Variants in RIT2 observed in about 807,000 individuals in gnomAD.
RIT2 encodes Ras like without CAAX 2.
RIT2 carries 24 observed loss-of-function variants against 23.7 expected under a neutral mutation model. The ratio of observed to expected loss-of-function variants is 1.01; its 90% CI spans 0.73 to 1.43. RIT2 has a LOEUF of 1.43. Among genes scored for constraint, RIT2 ranks in the 40% most tolerant of loss-of-function variants. The pLI is 0.00. For synonymous variants in RIT2, 107 were observed against 91.1 expected, an observed-to-expected ratio of 1.17 and a Z score of -0.99; for missense variants, 236 against 266.9, an observed-to-expected ratio of 0.88 and a Z score of 0.81.
chr18:43,108,007 CAAAAA>C (rs5824469), intron 1 of RIT2, among the ~76,000 whole-genome samples: 1 of 136,280 alleles, frequency 7.3e-6, no homozygotes, highest in Non-Finnish European at 1.5e-5. Flanking sequence ...ACTAAAAATA[CAAAAA>C]AAAAAAAAAA....
At chr18:43,114,530 G>A (rs1568086455) in intron 1 of RIT2, among the ~76,000 whole-genome samples, 1 of 151,822 alleles carries the variant, frequency 6.6e-6, no homozygotes, top group African/African-American at 2.4e-5. Flanking sequence ...CTACCTTTTA[G>A]AATTCCCAAA....
At chr18:42,747,218 A>G (rs1378218836) in intron 4 of RIT2, among the ~76,000 whole-genome samples, 1 of 152,046 alleles carries the variant, frequency 6.6e-6, no homozygotes. Context: ...CAAAGTTTAT[A>G]TACACGAATC....
chr18:43,098,480 A>G (rs1598783380), intron 1 of RIT2, among the ~76,000 whole-genome samples: 2 of 152,064 alleles, frequency 1.3e-5, no homozygotes, highest in Non-Finnish European at 2.9e-5. Flanking sequence ...GATGTAAATA[A>G]TAAATGCTTT....
chr18:43,062,312 CA>C (rs1331987136), intron 1 of RIT2, among the ~76,000 whole-genome samples: 2 of 151,932 alleles, frequency 1.3e-5, no homozygotes, highest in Non-Finnish European at 2.9e-5. Context: ...TACTTCAAGA[CA>C]AAAAAGAGGT....
chr18:43,068,312 A>G (rs1361365044), intron 1 of RIT2, among the ~76,000 whole-genome samples: 1 of 152,200 alleles, frequency 6.6e-6, no homozygotes, highest in Non-Finnish European at 1.5e-5. Flanking sequence ...AGTTAGGGTT[A>G]GAGCTCAGAC....
chr18:42,743,858 C>G, intron 4 of RIT2, 138 bp from the exon 5 acceptor site: 1 of 635,040 alleles, frequency 1.6e-6, no homozygotes, highest in Non-Finnish European at 2.7e-6. Context: ...TGCAGGTATA[C>G]GCCCAGATGG....
At chr18:42,751,437 T>C (rs1468087223) in intron 4 of RIT2, among the ~76,000 whole-genome samples, 1 of 151,874 alleles carries the variant, frequency 6.6e-6, no homozygotes, top group Non-Finnish European at 1.5e-5. Flanking sequence ...GCATCACAAA[T>C]CAATCATTAG....
chr18:43,038,013 G>T (rs1045615561), intron 1 of RIT2, among the ~76,000 whole-genome samples: 1 of 151,910 alleles, frequency 6.6e-6, no homozygotes, highest in Non-Finnish European at 1.5e-5. Flanking sequence ...GACCATCCTG[G>T]CTAACATGGT....
chr18:42,878,464 G>A (rs2144074588), intron 4 of RIT2, among the ~76,000 whole-genome samples: 1 of 151,944 alleles, frequency 6.6e-6, no homozygotes, highest in East Asian at 1.9e-4. Flanking sequence ...AGGAGGAAGA[G>A]GAGAGGCTGG....
chr18:43,062,064 C>T (rs1266720843), intron 1 of RIT2, among the ~76,000 whole-genome samples: 1 of 152,048 alleles, frequency 6.6e-6, no homozygotes, highest in Non-Finnish European at 1.5e-5. Context: ...CTCCCACTTG[C>T]TGAGCTACGG....
chr18:42,759,641 T>C (rs938814256), intron 4 of RIT2, among the ~76,000 whole-genome samples: 1 of 151,552 alleles, frequency 6.6e-6, no homozygotes, highest in African/African-American at 2.4e-5. Context: ...TGCTGCCATT[T>C]TTTCCAGTGT....
intron 2 of RIT2, among the ~76,000 whole-genome samples, chr18:43,011,408 G>A (rs1490260139): frequency 1.3e-5 from 2 of 151,814 alleles, no homozygotes; most frequent in Non-Finnish European, 2.9e-5. Context: ...ACAGATCAGA[G>A]TGAGACAAGA....
At chr18:43,082,994 C>T (rs1369920799) in intron 1 of RIT2, among the ~76,000 whole-genome samples, 2 of 152,052 alleles carry the variant, frequency 1.3e-5, no homozygotes, top group Admixed American at 6.6e-5. Context: ...TCGTCTCAGC[C>T]CAAAACCTCC....
chr18:43,031,026 G>T (rs745348396), intron 2 of RIT2, among the ~76,000 whole-genome samples: 1 of 151,850 alleles, frequency 6.6e-6, no homozygotes, highest in African/African-American at 2.4e-5. Context: ...AAGATCTGGT[G>T]CCTGGTAATG....
intron 4 of RIT2, among the ~76,000 whole-genome samples, chr18:42,820,970 T>C (rs1029900761): frequency 2.0e-5 from 3 of 152,234 alleles, no homozygotes; most frequent in Admixed American, 6.5e-5. Flanking sequence ...GGAGAGCTGC[T>C]TGTTTTAAAA....
intron 2 of RIT2, among the ~76,000 whole-genome samples, chr18:42,995,877 T>G (rs1036586693): frequency 6.6e-5 from 10 of 152,198 alleles, no homozygotes; most frequent in Non-Finnish European, 1.0e-4. Flanking sequence ...TTCACCATTC[T>G]CAACTACTCA....
intron 4 of RIT2, among the ~76,000 whole-genome samples, chr18:42,764,995 C>G (rs1913387852): frequency 6.6e-6 from 1 of 152,182 alleles, no homozygotes; most frequent in Admixed American, 6.5e-5. Context: ...TGTTTAGGCA[C>G]TCAGTATATC....
rs769137537 is a variant in RIT2 at position 43,115,412 on chromosome 18, C to T, written c.103+5G>A. Reference sequence around the variant, plus strand: ...CCTTCCCCAGCATTTGGTGTGAAAACTTACCGCTTTTACCAACTCCCCCTG... The same window carrying T: ...CCTTCCCCAGCATTTGGTGTGAAAATTTACCGCTTTTACCAACTCCCCCTG... On this transcript the variant is annotated splice_donor_5th_base_variant and intron_variant, in intron 1 of 4. Coordinates refer to ENST00000326695, the MANE Select transcript of RIT2 (RefSeq NM_002930.4). 1.2e-6 allele frequency: 2 copies of T among 1,613,090 alleles called. No homozygotes were observed. Among genetic ancestry groups the T allele is most frequent in the South Asian group, 2.2e-5 (2 of 90,976 alleles).
chr18:43,043,267 T>C (rs1252431615), intron 1 of RIT2, among the ~76,000 whole-genome samples: 1 of 152,082 alleles, frequency 6.6e-6, no homozygotes, highest in African/African-American at 2.4e-5. Context: ...TACAGAGCAA[T>C]ATCAAGGAAT....
Sources: allele counts gnomAD v4.1 joint callset (sites outside exome capture counted in the v4.1 genomes callset), GRCh38; gene constraint gnomAD v4.1.1; transcripts MANE v1.5; gene names NCBI Gene and HGNC (gene_info 2026-07-23, HGNC 2026-07-21).